BUB1B: variants seen among roughly 807,000 people sequenced by gnomAD.
BUB1B encodes the protein mitotic checkpoint serine/threonine-protein kinase BUB1 beta.
In BUB1B, 86 loss-of-function variants were observed where a neutral mutation model predicts 137.7. The ratio of observed to expected loss-of-function variants is 0.62; its 90% CI spans 0.52 to 0.75. BUB1B has a LOEUF of 0.75. Ranked by LOEUF, BUB1B falls within the 30% of genes least tolerant of loss-of-function variation. BUB1B has a pLI of 0.00. For synonymous variants in BUB1B, 420 were observed against 417.9 expected (o/e 1.00, Z -0.06); for missense variants, 1,130 against 1,236.9 (o/e 0.91, Z 1.30).
chr15:40,194,695 T>C (rs971928046), intron 8 of BUB1B, among the ~76,000 whole-genome samples: 13 of 152,222 alleles, frequency 8.5e-5, no homozygotes, highest in Non-Finnish European at 1.8e-4. Context: ...CTTCATTCTT[T>C]TAAAAGCTAT....
intron 20 of BUB1B, among the ~76,000 whole-genome samples, chr15:40,215,775 AAAC>A (rs1489667889): frequency 1.3e-5 from 2 of 151,806 alleles, no homozygotes; most frequent in African/African-American, 2.4e-5. Context: ...TCTCAAAACA[AAAC>A]AACAACAAAA....
chr15:40,195,387 T>C (rs993141469), intron 8 of BUB1B, among the ~76,000 whole-genome samples: 1 of 152,230 alleles, frequency 6.6e-6, no homozygotes, highest in African/African-American at 2.4e-5. Context: ...CATTGATTGA[T>C]GGGCATTTGG....
chr15:40,179,176 A>AGGG (rs2037255859), intron 5 of BUB1B, among the ~76,000 whole-genome samples: 1 of 151,800 alleles, frequency 6.6e-6, no homozygotes, highest in Non-Finnish European at 1.5e-5. Flanking sequence ...CAGGGAGGGA[A>AGGG]GGGTGGAACA....
At position 40,220,688 on chromosome 15, in the gene BUB1B, C is replaced by G. The variant is rs2037890025; in HGVS notation, c.3082C>G (p.Gln1028Glu). 5 of 1,614,024 alleles carry G rather than the reference C, an allele frequency of 3.1e-6. No homozygotes were observed. The highest frequency in any genetic ancestry group is 1.7e-5 in the Admixed American group (1 of 59,998). The change falls in exon 23 of 23, where the codon CAA (glutamine) becomes GAA (glutamate). Residue 1028 changes from glutamine to glutamate, a missense_variant. Gln to Glu is a conservative substitution (Grantham distance 29). Transcript: ENST00000287598. ...GAATGGGGTTTTTGACACTACATTC[C>G]AAAGTCACCTGAACAAAGCCTTATG... ...EMNGVFDTTFQSHLNKALWKV... is the reference protein window; with the variant it reads ...EMNGVFDTTFESHLNKALWKV...
chr15:40,191,376 C>T (rs942972445), intron 8 of BUB1B, among the ~76,000 whole-genome samples: 9 of 152,162 alleles, frequency 5.9e-5, no homozygotes, highest in South Asian at 2.1e-4. Context: ...AACTTCTTTT[C>T]GGATACATGA....
At chr15:40,203,483 G>T (rs2037600269) in intron 14 of BUB1B, among the ~76,000 whole-genome samples, 1 of 152,130 alleles carries the variant, frequency 6.6e-6, no homozygotes, top group South Asian at 2.1e-4. Flanking sequence ...GTACAACCTT[G>T]TGAATTTACT....
At chr15:40,167,877 C>T (rs1381739205) in intron 2 of BUB1B, among the ~76,000 whole-genome samples, 1 of 151,656 alleles carries the variant, frequency 6.6e-6, no homozygotes, top group Non-Finnish European at 1.5e-5. Context: ...ATATTCTGTT[C>T]CATTGATCAA....
chr15:40,219,935 A>T (rs1475052422), intron 22 of BUB1B, among the ~76,000 whole-genome samples: 1 of 152,124 alleles, frequency 6.6e-6, no homozygotes, highest in Non-Finnish European at 1.5e-5. Flanking sequence ...ACTTTTAAAA[A>T]TAGGCTTGAA....
chr15:40,174,461 C>T lies in BUB1B; in HGVS notation c.385-2016C>T, dbSNP rs562590188. On this transcript the variant is annotated intron_variant, in intron 4 of 22. Transcript: ENST00000287598. The stretch of plus-strand genomic sequence containing the variant: ...GGCTGGCATATCATAGCAATGTCTT[C>T]TGAGTTTGTAGAGCTTAGTTTATCT... Among the ~76,000 whole-genome samples, 218 of 152,310 alleles carry T rather than the reference C, an allele frequency of 1.4e-3. 1 individual carries two copies. The highest frequency in any genetic ancestry group is 2.4e-3 in the Non-Finnish European group (164 of 68,026).
Position 40,185,578 on chromosome 15 carries a change from G to T in BUB1B, c.994G>T (p.Ala332Ser), listed in dbSNP as rs1246651719. ...TCGTGGCAATACAGCTTCACTGATA[G>T]CTGTACCCGCTGTGCTTCCCAGTTT... ...RPRGNTASLIAVPAVLPSFTP... is the reference protein window; with the variant it reads ...RPRGNTASLISVPAVLPSFTP... The change falls in exon 8 of 23, where the codon GCT becomes TCT. Residue 332 changes from alanine (A) to serine (S), a missense_variant. Physicochemically the swap from Ala to Ser is moderately conservative, Grantham distance 99 (BLOSUM62 1). Coordinates refer to ENST00000287598, the MANE Select transcript of BUB1B (RefSeq NM_001211.6). 6.2e-7 allele frequency: 1 copy of T among 1,614,174 alleles called. No individual in the cohort carries two copies.
In BUB1B at chr15:40,185,365, T is replaced by G. The variant is rs1595519832; in HGVS notation, c.952T>G (p.Ser318Ala). 4 of 1,614,070 alleles carry G rather than the reference T, an allele frequency of 2.5e-6. No individual in the cohort carries two copies. The highest frequency in any genetic ancestry group is 3.4e-6 in the Non-Finnish European group (4 of 1,180,012). ...LQAGPWNTGR[S>A]LEHRPRGNTA... ...AGCAGGCCCTTGGAACACAGGCAGG[T>G]CCTTGGAACACAGGGTAAGGACTCT... Residue 318 changes from serine (S) to alanine (A), a missense_variant, in exon 7 of 23, where the codon TCC (serine) becomes GCC (alanine). Coordinates refer to ENST00000287598, the MANE Select transcript of BUB1B (RefSeq NM_001211.6).
chr15:40,183,728 G>A lies in BUB1B; in HGVS notation c.596G>A (p.Arg199Gln), dbSNP rs779260067. Residue 199 changes from arginine to glutamine, a missense_variant, in exon 6 of 23, where the codon CGA becomes CAA. Coordinates refer to ENST00000287598, the MANE Select transcript of BUB1B (RefSeq NM_001211.6). ...TGCTACTTTAGACAATTCCAAGCTC[G>A]AGTGTCTCGGCAAACTCTGTTGGCA... is the stretch of plus-strand genomic sequence containing the variant. ...LQSQHRQFQARVSRQTLLALE... is the reference protein window; with the variant it reads ...LQSQHRQFQAQVSRQTLLALE... 8.1e-6 allele frequency: 13 copies of A among 1,613,874 alleles called. No individual in the cohort carries two copies. The highest frequency in any genetic ancestry group is 1.1e-5 in the Non-Finnish European group (13 of 1,179,944).
Position 40,178,028 on chromosome 15 carries a change from C to G in BUB1B, c.581+1355C>G, listed in dbSNP as rs1788529790. Among the ~76,000 whole-genome samples the G allele has an allele frequency of 3.7e-5, 5 of 134,382 alleles. No homozygotes were observed. In the Admixed American group the frequency reaches 3.9e-4, roughly 10 times the overall value. The allele number at this position is 134,382 out of a possible 152,430, so 88.2% of individuals were successfully genotyped here. A position where few individuals can be genotyped will look rare whatever the true frequency, so the allele number is the denominator to read the frequency against. On this transcript the variant is annotated intron_variant, in intron 5 of 22. Transcript: ENST00000287598. ...GTTTTAGAAAACCAGCTTTTGGGTT[C>G]ATTTCATTGATTTTTTTTTTTTTTC...
Position 40,183,884 on chromosome 15 carries a change from G to C in BUB1B, c.751+1G>C. On this transcript the variant is annotated splice_donor_variant, in intron 6 of 22. Transcript: ENST00000287598. LOFTEE classifies it high-confidence loss of function. ...ATCCGTGTAGGAGGTGCTCTCAAGG[G>C]TAAGTTTGTTAAACGTTATTTCGGA... The C allele has an allele frequency of 6.2e-7, 1 of 1,613,880 alleles. No homozygotes were observed. The highest frequency in any genetic ancestry group is 8.5e-7 in the Non-Finnish European group (1 of 1,179,856).
intron 8 of BUB1B, among the ~76,000 whole-genome samples, chr15:40,190,019 C>T (rs1284341441): frequency 1.3e-5 from 2 of 152,150 alleles, no homozygotes; most frequent in Non-Finnish European, 2.9e-5. Context: ...GGAGAAATGA[C>T]TGTTTAAATC....
Position 40,167,592 on chromosome 15 carries a change from C to T in BUB1B, c.179+2396C>T, listed in dbSNP as rs575235933. Among the ~76,000 whole-genome samples the T allele has an allele frequency of 1.9e-4, 29 of 152,256 alleles. No homozygotes were observed. In the South Asian group the frequency reaches 5.6e-3, roughly 29 times the overall value. ...CTGACCTCAGGTGATCCGCCCGCCT[C>T]GGCCTCCCAGAGTGCTGGGATTACG... On this transcript the variant is annotated intron_variant, in intron 2 of 22. Transcript: ENST00000287598.
intron 18 of BUB1B, among the ~76,000 whole-genome samples, chr15:40,210,780 A>C (rs1367396043): frequency 6.6e-6 from 1 of 152,204 alleles, no homozygotes; most frequent in East Asian, 1.9e-4. Flanking sequence ...ACTGGATTAC[A>C]GGCATCTAAC....
intron 8 of BUB1B, 148 bp from the exon 9 acceptor site, chr15:40,196,397 A>G (rs1482481880): frequency 2.9e-6 from 2 of 692,266 alleles, no homozygotes; most frequent in Non-Finnish European, 4.9e-6. Context: ...GCCTTACAGC[A>G]TAGTTTGAAG....
chr15:40,217,354 G>T (rs2037808368), intron 20 of BUB1B, 142 bp from the exon 21 acceptor site: 3 of 822,244 alleles, frequency 3.6e-6, no homozygotes, highest in Non-Finnish European at 6.0e-6. Context: ...TGTCTTACAG[G>T]TGCATTTTCA....
Sources: allele counts gnomAD v4.1 joint callset (sites outside exome capture counted in the v4.1 genomes callset), GRCh38; gene constraint gnomAD v4.1.1; transcripts MANE v1.5; gene names NCBI Gene and HGNC (gene_info 2026-07-23, HGNC 2026-07-21).